PTPRZ1: variants seen among roughly 807,000 people sequenced by gnomAD.
The protein encoded by PTPRZ1 is protein tyrosine phosphatase receptor type Z1, also known as receptor-type tyrosine-protein phosphatase zeta.
Under a neutral mutation model 214.1 loss-of-function variants are expected in PTPRZ1, and 82 were observed. The ratio of observed to expected loss-of-function variants is 0.38; its 90% CI spans 0.32 to 0.46. The LOEUF (loss-of-function observed/expected upper bound fraction) is 0.46. PTPRZ1 is among the 20% of genes least tolerant of loss of function. PTPRZ1 has a pLI of 1.00. For missense variants in PTPRZ1, 2,603 were observed against 2,748.7 expected, an observed-to-expected ratio of 0.95 and a Z score of 1.19; for synonymous variants, 945 against 987.9, an observed-to-expected ratio of 0.96 and a Z score of 0.81.
At position 122,061,199 on chromosome 7, in the gene PTPRZ1, G is replaced by C. The variant is rs752411139; in HGVS notation, c.6927G>C (p.Glu2309Asp). Residue 2309 changes from glutamate (E) to aspartate (D), a missense_variant, in exon 30 of 30, where the codon GAG (glutamate) becomes GAC (aspartate). Glu to Asp is a conservative substitution (Grantham distance 45, BLOSUM62 2). Around this residue, in one of 6 missense-constraint regions of PTPRZ1, gnomAD observed 165 missense variants for 151.4 expected, o/e 1.09. Coordinates refer to ENST00000393386, the MANE Select transcript of PTPRZ1 (RefSeq NM_002851.3). ...CATTGCCTGATGGAAATATAGCTGA[G>C]AGCTTAGAGTCTTTAGTTTAACACA... Reference protein sequence around the residue: ...GAALPDGNIAESLESLV With the variant: ...GAALPDGNIADSLESLV 2.5e-6 allele frequency: 4 copies of C among 1,604,566 alleles called. No individual in the cohort carries two copies. The highest frequency in any genetic ancestry group is 3.4e-6 in the Non-Finnish European group (4 of 1,174,490).
At chr7:121,928,359 T>G in intron 2 of PTPRZ1, 138 bp downstream of exon 2, 1 of 551,070 alleles carries the variant, frequency 1.8e-6, no homozygotes, top group South Asian at 3.2e-5. Flanking sequence ...AATTAATAGA[T>G]ATATAAAATA....
At chr7:121,906,765 G>T (rs1273163700) in intron 1 of PTPRZ1, among the ~76,000 whole-genome samples, 3 of 152,110 alleles carry the variant, frequency 2.0e-5, no homozygotes, top group Non-Finnish European at 4.4e-5. Flanking sequence ...GTGGACAGTG[G>T]CTTGCTTATT....
Position 122,030,539 on chromosome 7 carries a change from A to G in PTPRZ1, c.5081-935A>G, listed in dbSNP as rs538004555. Among the ~76,000 whole-genome samples the G allele has an allele frequency of 2.6e-5, 4 of 152,158 alleles. No homozygotes were observed. The South Asian group carries it at 8.3e-4, about 31-fold the overall frequency. On this transcript the variant is annotated intron_variant, in intron 14 of 29. Transcript: ENST00000393386. Reference sequence around the variant, plus strand: ...AGTGTTTCTTAAGCTTGACTGACTAATTCAATTTTAGTATTCAGATCCACT... The same window carrying G: ...AGTGTTTCTTAAGCTTGACTGACTAGTTCAATTTTAGTATTCAGATCCACT...
intron 2 of PTPRZ1, among the ~76,000 whole-genome samples, chr7:121,937,509 G>T (rs1429474160): frequency 2.1e-5 from 3 of 140,038 alleles, no homozygotes; most frequent in Admixed American, 2.1e-4. Flanking sequence ...AAACAACAGA[G>T]CCCCAGCAAC....
Position 122,039,439 on chromosome 7 carries a change from C to T in PTPRZ1, c.5503-15C>T. 1 of 1,606,956 alleles carries T rather than the reference C, an allele frequency of 6.2e-7. No homozygotes were observed. Among genetic ancestry groups the T allele is most frequent in the Non-Finnish European group, 8.5e-7 (1 of 1,178,262 alleles). ...ATTTGAAATACAGAAGTAACATCTA[C>T]ATTTTCTTTTGCAGAGAAAATGTGA... On this transcript the variant is annotated splice_polypyrimidine_tract_variant and intron_variant, in intron 19 of 29. Transcript: ENST00000393386.
At chr7:121,990,522 T>A (rs1300418432) in intron 8 of PTPRZ1, among the ~76,000 whole-genome samples, 1 of 142,234 alleles carries the variant, frequency 7.0e-6, no homozygotes, top group Non-Finnish European at 1.5e-5. Context: ...CTTTTTTTTT[T>A]TTTTTTTTTT....
chr7:121,895,158 G>A (rs1794750878), intron 1 of PTPRZ1, among the ~76,000 whole-genome samples: 1 of 152,158 alleles, frequency 6.6e-6, no homozygotes, highest in African/African-American at 2.4e-5. Context: ...AACAGAGGAT[G>A]TGCCCCTGGT....
intron 12 of PTPRZ1, among the ~76,000 whole-genome samples, chr7:122,014,586 C>T (rs1798790472): frequency 6.6e-6 from 1 of 152,048 alleles, no homozygotes; most frequent in South Asian, 2.1e-4. Context: ...CTACAGGCGC[C>T]CACCACCACG....
At chr7:121,940,805 T>C (rs1198951491) in intron 2 of PTPRZ1, among the ~76,000 whole-genome samples, 2 of 148,346 alleles carry the variant, frequency 1.3e-5, no homozygotes, top group Non-Finnish European at 3.0e-5. Flanking sequence ...ACCTGCCAAA[T>C]GAAAAAAAAA....
At chr7:122,015,085 A>C (rs1363630091) in intron 12 of PTPRZ1, among the ~76,000 whole-genome samples, 1 of 152,242 alleles carries the variant, frequency 6.6e-6, no homozygotes, top group African/African-American at 2.4e-5. Flanking sequence ...AGTGTTTATA[A>C]TACAGATGTC....
chr7:122,023,846 T>G (rs1382896299), intron 13 of PTPRZ1, among the ~76,000 whole-genome samples: 1 of 77,018 alleles, frequency 1.3e-5, no homozygotes, highest in African/African-American at 1.1e-4. Flanking sequence ...TAATTATATA[T>G]ATATAAAAAA....
intron 23 of PTPRZ1, among the ~76,000 whole-genome samples, chr7:122,048,197 AC>A (rs1309566144): frequency 1.3e-5 from 2 of 152,132 alleles, no homozygotes; most frequent in Non-Finnish European, 2.9e-5. Context: ...AAGAAGCACT[AC>A]ATAACATTTT....
intron 6 of PTPRZ1, among the ~76,000 whole-genome samples, chr7:121,978,934 T>TC (rs1380953245): frequency 6.6e-6 from 1 of 151,974 alleles, no homozygotes; most frequent in Non-Finnish European, 1.5e-5. Flanking sequence ...AACTGAAGGC[T>TC]CCCCCATATT....
At chr7:121,941,685 T>C (rs890017425) in intron 2 of PTPRZ1, among the ~76,000 whole-genome samples, 2 of 152,204 alleles carry the variant, frequency 1.3e-5, no homozygotes, top group Non-Finnish European at 2.9e-5. Flanking sequence ...CATCATGGAA[T>C]GTCTTCTGCC....
In PTPRZ1 at chr7:121,873,503, C is replaced by T; in HGVS notation, c.4C>T (p.Arg2Ter). Residue 2 changes from arginine to a stop codon, truncating the protein, a stop_gained, in exon 1 of 30, where the codon CGA becomes TGA. Coordinates refer to ENST00000393386, the MANE Select transcript of PTPRZ1 (RefSeq NM_002851.3). LOFTEE classifies it high-confidence loss of function. The part of the protein sequence containing the change: M[R>*]ILKRFLACIQ... ...AGGGGCCGCAGACCGTCTGGAAATG[C>T]GAATCCTAAAGCGTTTCCTCGCTTG... The T allele has an allele frequency of 1.2e-6, 2 of 1,613,934 alleles. No individual in the cohort carries two copies. The highest frequency in any genetic ancestry group is 1.7e-6 in the Non-Finnish European group (2 of 1,180,020).
At chr7:121,893,883 A>G (rs1309689818) in intron 1 of PTPRZ1, among the ~76,000 whole-genome samples, 1 of 152,126 alleles carries the variant, frequency 6.6e-6, no homozygotes, top group Non-Finnish European at 1.5e-5. Context: ...ATATAATGAT[A>G]TTATTAGGTA....
intron 8 of PTPRZ1, among the ~76,000 whole-genome samples, chr7:121,994,388 G>T (rs551212262): frequency 5.1e-4 from 68 of 132,912 alleles, no homozygotes; most frequent in African/African-American, 1.8e-3. Flanking sequence ...TCCGCATCCC[G>T]GGTTCACGCC....
chr7:122,032,879 TA>T (rs1049159554), intron 15 of PTPRZ1, among the ~76,000 whole-genome samples: 1 of 152,182 alleles, frequency 6.6e-6, no homozygotes, highest in African/African-American at 2.4e-5. Context: ...AACATCAAAT[TA>T]TTTTTTATTA....
At chr7:121,964,972 G>A (rs1215810949) in intron 2 of PTPRZ1, among the ~76,000 whole-genome samples, 2 of 152,152 alleles carry the variant, frequency 1.3e-5, no homozygotes, top group Admixed American at 1.3e-4. Context: ...ACATCATATA[G>A]GATCTGTTGG....
Sources: gnomAD v4.1 joint callset for allele counts (sites outside exome capture counted in the v4.1 genomes callset) on GRCh38, gnomAD v4.1.1 for gene constraint, gnomAD v4.1.1 regional missense constraint, MANE v1.5 for transcripts, NCBI Gene and HGNC (gene_info 2026-07-23, HGNC 2026-07-21) for gene names.